Variants in PRRC2C observed in about 807,000 individuals in gnomAD.
The protein encoded by PRRC2C is proline rich coiled-coil 2C.
Under a neutral mutation model 317.2 loss-of-function variants are expected in PRRC2C, and 72 were observed. The ratio of observed to expected loss-of-function variants is 0.23; its 90% CI spans 0.19 to 0.28. PRRC2C has a LOEUF of 0.28. Ranked by LOEUF, PRRC2C falls within the 10% of genes least tolerant of loss-of-function variation. PRRC2C has a pLI of 1.00. For synonymous variants in PRRC2C, 1,296 were observed against 1,205.9 expected (o/e 1.07, Z -1.55); for missense variants, 3,074 against 3,459.7 (o/e 0.89, Z 2.80).
At chr1:171,515,169 A>G (rs552312905) in intron 4 of PRRC2C, among the ~76,000 whole-genome samples, 1 of 152,358 alleles carries the variant, frequency 6.6e-6, no homozygotes, top group East Asian at 1.9e-4. Context: ...ATTCTATGGA[A>G]GAACCAATCT....
chr1:171,538,628 T>G (rs901859696), intron 15 of PRRC2C, among the ~76,000 whole-genome samples: 1 of 152,246 alleles, frequency 6.6e-6, no homozygotes, highest in Non-Finnish European at 1.5e-5. Context: ...TGGAAATTAC[T>G]GGTCTTGATG....
chr1:171,506,676 AT>A (rs1019310237), intron 1 of PRRC2C, among the ~76,000 whole-genome samples: 78 of 76,778 alleles, frequency 1.0e-3, no homozygotes, highest in African/African-American at 3.5e-3. Context: ...CAGATTCACT[AT>A]TTTTTTTCTT....
chr1:171,571,868 T>C (rs970051883), intron 24 of PRRC2C, among the ~76,000 whole-genome samples: 2 of 152,214 alleles, frequency 1.3e-5, no homozygotes, highest in Non-Finnish European at 2.9e-5. Context: ...CACTGTATGA[T>C]TATTTTATGG....
chr1:171,523,187 T>C (rs763758214), intron 7 of PRRC2C, 34 bp from the exon 8 acceptor site: 5 of 1,563,826 alleles, frequency 3.2e-6, no homozygotes, highest in Middle Eastern at 1.7e-4. Context: ...TATCATAAAC[T>C]TTTGTATCTT....
chr1:171,580,580 A>C (rs936047556), intron 28 of PRRC2C, among the ~76,000 whole-genome samples: 1 of 152,252 alleles, frequency 6.6e-6, no homozygotes, highest in African/African-American at 2.4e-5. Flanking sequence ...GTCTTCACAC[A>C]ACCACCTAAG....
Position 171,571,410 on chromosome 1 carries a change from C to T in PRRC2C, c.6742C>T (p.Leu2248Phe). The change falls in exon 24 of 35, where the codon CTC (leucine) becomes TTC (phenylalanine). Residue 2248 changes from leucine (L) to phenylalanine (F), a missense_variant. Transcript: ENST00000647382. ...TTCAGTTCCTCCCACTACTTTCAGC[C>T]TCACCTTCAAGGTATGTACAACATC... The part of the protein sequence containing the change: ...LTSVPPTTFS[L>F]TFKMESARKA... 1 of 1,598,100 alleles carries T rather than the reference C, an allele frequency of 6.3e-7. No homozygotes were observed. The highest frequency in any genetic ancestry group is 8.6e-7 in the Non-Finnish European group (1 of 1,165,524).
intron 24 of PRRC2C, 134 bp from the exon 25 acceptor site, chr1:171,574,793 T>G: frequency 1.2e-6 from 1 of 850,644 alleles, no homozygotes; most frequent in Non-Finnish European, 1.8e-6. Flanking sequence ...GTCTTAGATT[T>G]TCTTTAAATA....
In PRRC2C at chr1:171,564,786, T is replaced by C. The variant is rs188988427; in HGVS notation, c.6118-1447T>C. Among the ~76,000 whole-genome samples, 15 of 152,334 alleles carry C rather than the reference T, an allele frequency of 9.8e-5. No homozygotes were observed. The East Asian group carries it at 2.9e-3, about 29-fold the overall frequency. The stretch of plus-strand genomic sequence containing the variant: ...TACAGTAAAAATACGATATTATAAT[T>C]TTATGGAACCACCCTTGTATATGTG... On this transcript the variant is annotated intron_variant, in intron 20 of 34. Coordinates refer to ENST00000647382, the MANE Select transcript of PRRC2C (RefSeq NM_001387844.1).
At chr1:171,521,667 T>C (rs1025661572) in intron 6 of PRRC2C, among the ~76,000 whole-genome samples, 1 of 152,188 alleles carries the variant, frequency 6.6e-6, no homozygotes, top group Non-Finnish European at 1.5e-5. Flanking sequence ...ACTGATGTTA[T>C]CCTCCTTATC....
In PRRC2C at chr1:171,496,199, C is replaced by CTTTTTTTTTTTTTTTTTTT. The variant is rs528654548; in HGVS notation, c.-58+10470_-58+10488dup. Among the ~76,000 whole-genome samples the CTTTTTTTTTTTTTTTTTTT allele has an allele frequency of 2.5e-4, 19 of 75,660 alleles. 2 individuals carry two copies. Among genetic ancestry groups the CTTTTTTTTTTTTTTTTTTT allele is most frequent in the Admixed American group, 3.3e-4 (2 of 5,998 alleles). 49.6% of individuals were successfully genotyped at this position (75,660 alleles called of 152,430 possible). On this transcript the variant is annotated intron_variant, in intron 1 of 34. Transcript: ENST00000647382. ...ATTTTTAGAGCTTTGATTTTTGTGC[C>CTTTTTTTTTTTTTTTTTTT]TTTTTTTTTTTTTTTTTTTTTTTTG...
rs777351258 is a variant in PRRC2C, at chr1:171,537,248, G to A, written c.2294-15G>A. 43 of 1,556,694 alleles carry A rather than the reference G, an allele frequency of 2.8e-5. No individual in the cohort carries two copies. Among genetic ancestry groups the A allele is most frequent in the Non-Finnish European group, 3.5e-5 (40 of 1,145,246 alleles). On this transcript the variant is annotated splice_polypyrimidine_tract_variant and intron_variant, in intron 14 of 34. Transcript: ENST00000647382. Reference sequence around the variant, plus strand: ...CAAAATCCTCATTTCACCTTTTTCTGAACTTTTGTTACAGGAATGATTCCT... The same window carrying A: ...CAAAATCCTCATTTCACCTTTTTCTAAACTTTTGTTACAGGAATGATTCCT...
chr1:171,566,166 G>T, intron 20 of PRRC2C, 67 bp from the exon 21 acceptor site: 1 of 1,310,932 alleles, frequency 7.6e-7, no homozygotes, highest in African/African-American at 1.5e-5. Flanking sequence ...AAACTGTATA[G>T]TGCTTCATAA....
Position 171,536,252 on chromosome 1 carries a change from C to A in PRRC2C, c.2267C>A (p.Ala756Asp), listed in dbSNP as rs1303467130. 1.9e-6 allele frequency: 3 copies of A among 1,613,588 alleles called. No individual in the cohort carries two copies. In the African/African-American group the frequency reaches 4.0e-5, roughly 22 times the overall value. The change falls in exon 14 of 35, where the codon GCT (alanine) becomes GAT (aspartate). Residue 756 changes from alanine (A) to aspartate (D), a missense_variant. Ala to Asp is a moderately radical substitution (Grantham distance 126). Coordinates refer to ENST00000647382, the MANE Select transcript of PRRC2C (RefSeq NM_001387844.1). ...CCTCGAATGATGTCAGGAAGACCTG[C>A]TATGGATATTCCACCCATTCATCCT... ...MDPRMMSGRP[A>D]MDIPPIHPGM...
At chr1:171,577,293 C>A (rs1193455412) in intron 25 of PRRC2C, 141 bp from the exon 26 acceptor site, 2 of 598,800 alleles carry the variant, frequency 3.3e-6, no homozygotes, top group Non-Finnish European at 5.8e-6. Flanking sequence ...TAAGCTACCT[C>A]ATCTACTTTT....
chr1:171,519,050 A>G (rs1673051974), intron 6 of PRRC2C, among the ~76,000 whole-genome samples: 1 of 151,354 alleles, frequency 6.6e-6, no homozygotes, highest in Non-Finnish European at 1.5e-5. Flanking sequence ...TACCTGGCTA[A>G]TTTTTATATT....
intron 6 of PRRC2C, among the ~76,000 whole-genome samples, chr1:171,518,053 A>T (rs1672710780): frequency 6.6e-6 from 1 of 152,192 alleles, no homozygotes; most frequent in Admixed American, 6.5e-5. Flanking sequence ...TCTTAGCAGA[A>T]ACACCTAGCT....
At chr1:171,582,855 G>GT (rs1476949936) in intron 28 of PRRC2C, among the ~76,000 whole-genome samples, 1 of 48,232 alleles carries the variant, frequency 2.1e-5, no homozygotes, top group Non-Finnish European at 4.3e-5. Flanking sequence ...CACTAAATTT[G>GT]TTAAAAAAAA....
Position 171,578,272 on chromosome 1 carries a change from G to A in PRRC2C, c.7159+635G>A, listed in dbSNP as rs186204487. On this transcript the variant is annotated intron_variant, in intron 26 of 34. Coordinates refer to ENST00000647382, the MANE Select transcript of PRRC2C (RefSeq NM_001387844.1). The stretch of plus-strand genomic sequence containing the variant: ...ATGACAAGTTAAAAACAATATATAG[G>A]CTGGGTGTGGTGGCTCATACCTATA... Among the ~76,000 whole-genome samples the A allele has an allele frequency of 2.6e-5, 4 of 152,118 alleles. No individual in the cohort carries two copies. In the East Asian group the frequency reaches 7.8e-4, roughly 29 times the overall value.
At chr1:171,559,685 C>T (rs1682275369) in intron 19 of PRRC2C, among the ~76,000 whole-genome samples, 1 of 151,954 alleles carries the variant, frequency 6.6e-6, no homozygotes, top group African/African-American at 2.4e-5. Flanking sequence ...CCATGCCTGG[C>T]TAATTTTGTA....
Sources: gnomAD v4.1 joint callset for allele counts (sites outside exome capture counted in the v4.1 genomes callset) on GRCh38, gnomAD v4.1.1 for gene constraint, MANE v1.5 for transcripts, NCBI Gene and HGNC (gene_info 2026-07-23, HGNC 2026-07-21) for gene names.